Variants in CHID1 observed in about 807,000 individuals in gnomAD.
The protein encoded by CHID1 is chitinase domain containing 1, also known as chitinase domain-containing protein 1.
In CHID1, 44 loss-of-function variants were observed where a neutral mutation model predicts 55.4. The observed-to-expected ratio is 0.79, with a 90% CI of 0.62 to 1.02. The LOEUF (loss-of-function observed/expected upper bound fraction) is 1.02. Ranked by LOEUF, CHID1 falls within the 50% of genes least tolerant of loss-of-function variation. The pLI, the probability that CHID1 is intolerant of heterozygous loss-of-function variation, is 0.00. For synonymous variants in CHID1, 216 were observed against 212.9 expected (o/e 1.01, Z -0.13); for missense variants, 491 against 515.3 (o/e 0.95, Z 0.46).
intron 8 of CHID1, among the ~76,000 whole-genome samples, chr11:884,912 A>G (rs1589844461): frequency 6.6e-6 from 1 of 152,160 alleles, no homozygotes. Context: ...ACTGGGGACT[A>G]GTGTCTCCTG....
At chr11:871,696 G>A (rs904727269) in intron 10 of CHID1, among the ~76,000 whole-genome samples, 4 of 152,240 alleles carry the variant, frequency 2.6e-5, no homozygotes, top group Non-Finnish European at 5.9e-5. Flanking sequence ...CCATGTGGGA[G>A]GGGAGGACAG....
chr11:896,536 A>T (rs1229638214), intron 7 of CHID1, among the ~76,000 whole-genome samples: 2 of 113,808 alleles, frequency 1.8e-5, no homozygotes. Context: ...CCCAGACGTG[A>T]GGCTGTCTCA....
At chr11:909,825 T>C (rs1048889875) in intron 1 of CHID1, among the ~76,000 whole-genome samples, 2 of 152,074 alleles carry the variant, frequency 1.3e-5, no homozygotes, top group African/African-American at 2.4e-5. Context: ...AAAAAATATT[T>C]TTCTGCCGGG....
At chr11:882,154 A>G (rs552790285) in intron 10 of CHID1, among the ~76,000 whole-genome samples, 39 of 152,178 alleles carry the variant, frequency 2.6e-4, no homozygotes, top group African/African-American at 3.6e-4. Context: ...GTGAAATCCC[A>G]TCTCTACTAA....
At chr11:884,587 A>G (rs1357691429) in intron 8 of CHID1, among the ~76,000 whole-genome samples, 1 of 152,204 alleles carries the variant, frequency 6.6e-6, no homozygotes, top group Non-Finnish European at 1.5e-5. Flanking sequence ...AGCCTCCCTG[A>G]AGGCAGAAGC....
chr11:874,952 G>A (rs943153872), intron 10 of CHID1: 3 of 152,356 alleles, frequency 2.0e-5, no homozygotes, highest in African/African-American at 7.2e-5. Context: ...GGCCTCAGGA[G>A]TGTGTGTCGA....
intron 8 of CHID1, among the ~76,000 whole-genome samples, 193 bp downstream of exon 8, chr11:893,234 G>T (rs1319103641): frequency 6.6e-6 from 1 of 152,226 alleles, no homozygotes; most frequent in Admixed American, 6.5e-5. Context: ...TGGGACTCAC[G>T]TGCTGACTTG....
chr11:895,774 C>A (rs1418590361), intron 7 of CHID1, among the ~76,000 whole-genome samples: 1 of 152,114 alleles, frequency 6.6e-6, no homozygotes, highest in East Asian at 1.9e-4. Context: ...TGGTCAGAGG[C>A]AGGACTGTGC....
At chr11:891,332 G>C (rs577259670) in intron 8 of CHID1, among the ~76,000 whole-genome samples, 21 of 152,192 alleles carry the variant, frequency 1.4e-4, no homozygotes, top group South Asian at 1.0e-3. Flanking sequence ...CCTCGTCACC[G>C]TGCCCGTAGC....
Position 900,997 on chromosome 11 carries a change from G to C in CHID1, c.395-17C>G. 2 of 1,594,628 alleles carry C rather than the reference G, an allele frequency of 1.3e-6. No homozygotes were observed. The highest frequency in any genetic ancestry group is 2.3e-5 in the South Asian group (2 of 88,182). The stretch of plus-strand genomic sequence containing the variant: ...GCATCCACCCTGTGGGACATGGAGG[G>C]GACAGTCAACACAGGCACGTGCGCC... On this transcript the variant is annotated splice_polypyrimidine_tract_variant and intron_variant, in intron 4 of 12. Transcript: ENST00000323578.
At chr11:898,040 G>A (rs898659914) in intron 7 of CHID1, among the ~76,000 whole-genome samples, 13 of 152,334 alleles carry the variant, frequency 8.5e-5, no homozygotes, top group African/African-American at 2.6e-4. Flanking sequence ...ACAGTGGGAG[G>A]AGCGGCAGGG....
At chr11:872,452 C>T (rs966633479) in intron 10 of CHID1, among the ~76,000 whole-genome samples, 6 of 152,228 alleles carry the variant, frequency 3.9e-5, no homozygotes, top group Non-Finnish European at 2.9e-5. Flanking sequence ...CCACCGCACC[C>T]AGTCCCTCTA....
chr11:870,617 CCA>C (rs1849110894), intron 10 of CHID1, 118 bp from the exon 11 acceptor site: 1 of 715,614 alleles, frequency 1.4e-6, no homozygotes, highest in East Asian at 2.7e-5. Context: ...GCCACTGTCC[CCA>C]GTGGTCTGGG....
chr11:876,457 C>T (rs1207110927), intron 10 of CHID1, among the ~76,000 whole-genome samples: 2 of 152,186 alleles, frequency 1.3e-5, no homozygotes, highest in Non-Finnish European at 2.9e-5. Flanking sequence ...GAACACGGCC[C>T]CTCCACCGTG....
At chr11:902,111 C>T in intron 4 of CHID1, 87 bp downstream of exon 4, 2 of 1,514,242 alleles carry the variant, frequency 1.3e-6, no homozygotes, top group South Asian at 1.1e-5. Context: ...CAGAGACATA[C>T]CTACTCACAC....
intron 6 of CHID1, 29 bp downstream of exon 6, chr11:899,975 C>T (rs373899874): frequency 1.3e-6 from 2 of 1,564,444 alleles, no homozygotes; most frequent in Non-Finnish European, 1.8e-6. Context: ...GGGCTGTGCT[C>T]AGAGGCTGGA....
intron 1 of CHID1, among the ~76,000 whole-genome samples, chr11:905,269 C>T (rs1054835663): frequency 4.6e-5 from 7 of 152,260 alleles, no homozygotes; most frequent in Non-Finnish European, 8.8e-5. Flanking sequence ...GGCCACGTGG[C>T]GGCTCACGCC....
In CHID1 at chr11:869,070, G is replaced by A. The variant is rs988357352; in HGVS notation, c.*788C>T. 3 of 152,350 alleles carry A rather than the reference G, an allele frequency of 2.0e-5. No homozygotes were observed. The highest frequency in any genetic ancestry group is 2.9e-5 in the Non-Finnish European group (2 of 68,130). The allele number at this position is 152,350 out of a possible 1,614,324, so 9.4% of individuals were successfully genotyped here. A position where few individuals can be genotyped will look rare whatever the true frequency, so the allele number is the denominator to read the frequency against. ...CCCCAGAGCCTGGACACCGCTGCAT[G>A]GCAGGGTGGGTGTAGCCTGCCAGCC... is the stretch of plus-strand genomic sequence containing the variant. On this transcript the variant is annotated 3_prime_UTR_variant, in exon 13 of 13. Transcript: ENST00000323578.
chr11:896,080 C>CTG (rs1851256211), intron 7 of CHID1, among the ~76,000 whole-genome samples: 1 of 151,740 alleles, frequency 6.6e-6, no homozygotes, highest in Non-Finnish European at 1.5e-5. Context: ...GTCTCAGCAC[C>CTG]CGCAGCCTCC....
Sources: allele counts gnomAD v4.1 joint callset (sites outside exome capture counted in the v4.1 genomes callset), GRCh38; gene constraint gnomAD v4.1.1; transcripts MANE v1.5; gene names NCBI Gene and HGNC (gene_info 2026-07-23, HGNC 2026-07-21).